Variants in IL25 observed in about 807,000 individuals in gnomAD.
IL25 encodes the protein interleukin-25.
IL25 carries 10 observed loss-of-function variants against 13.2 expected under a neutral mutation model. The observed-to-expected ratio is 0.76, with a 90% confidence interval of 0.47 to 1.29. The LOEUF is 1.29. Among genes scored for constraint, IL25 ranks in the 50% most tolerant of loss-of-function variants. The pLI, the probability that IL25 is intolerant of heterozygous loss-of-function variation, is 0.00. For synonymous variants in IL25, 107 were observed against 92.1 expected (o/e 1.16, Z -0.93); for missense variants, 235 against 232.4 (o/e 1.01, Z -0.07).
intron 1 of IL25, among the ~76,000 whole-genome samples, chr14:23,375,201 A>T (rs1408350295): frequency 6.6e-6 from 1 of 152,228 alleles, no homozygotes; most frequent in African/African-American, 2.4e-5. Context: ...AGTTGAGCCA[A>T]GATCGTGCCA....
chr14:23,373,061 G>A, exon 1 of IL25: 1 of 1,614,104 alleles, frequency 6.2e-7, no homozygotes, highest in Non-Finnish European at 8.5e-7. Flanking sequence ...CAAGCTGCCA[G>A]GTTTGGGGCT....
exon 1 of IL25, chr14:23,373,123 G>T: frequency 6.2e-7 from 1 of 1,614,054 alleles, no homozygotes; most frequent in South Asian, 1.1e-5. Flanking sequence ...GTGCAGATGA[G>T]GGAGCGACCC....
At chr14:23,373,374 G>T (rs1890465701) in exon 1 of IL25, 1 of 1,612,772 alleles carries the variant, frequency 6.2e-7, no homozygotes. Context: ...CAACAGCAGG[G>T]CCATCTCCCC....
intron 1 of IL25, 38 bp downstream of exon 2, chr14:23,373,434 G>T (rs182944982): frequency 1.5e-5 from 23 of 1,567,492 alleles, no homozygotes; most frequent in Non-Finnish European, 1.9e-5. Flanking sequence ...TGCCCTGTGT[G>T]TGCTGGCCAG....
intron 1 of IL25, among the ~76,000 whole-genome samples, 160 bp downstream of exon 2, chr14:23,373,556 T>C (rs921198956): frequency 6.6e-6 from 1 of 151,974 alleles, no homozygotes; most frequent in African/African-American, 2.4e-5. Flanking sequence ...TAGCTCTGAC[T>C]CTCATTGGAT....
exon 2 of IL25, chr14:23,375,878 T>C (rs1890542568): frequency 1.2e-6 from 2 of 1,613,070 alleles, no homozygotes; most frequent in East Asian, 4.5e-5. Flanking sequence ...TGTGATGGGC[T>C]AGCCGGACCT....
At chr14:23,375,206 G>A (rs192714784) in intron 1 of IL25, among the ~76,000 whole-genome samples, 20 of 152,216 alleles carry the variant, frequency 1.3e-4, no homozygotes, top group African/African-American at 4.1e-4. Flanking sequence ...AGCCAAGATC[G>A]TGCCACTGCA....
At position 23,375,743 on chromosome 14, in the gene IL25, C is replaced by G. The variant is rs914496697; in HGVS notation, c.397C>G (p.Leu133Val). 1.2e-6 allele frequency: 2 copies of G among 1,614,126 alleles called. No individual in the cohort carries two copies. The highest frequency in any genetic ancestry group is 2.7e-5 in the African/African-American group (2 of 74,946). The stretch of plus-strand genomic sequence containing the variant: ...GGACCCCCGGGGCAACTCGGAGCTG[C>G]TCTACCACAACCAGACTGTCTTCTA... Residue 133 changes from leucine to valine, a missense_variant, in exon 2 of 2, where the codon CTC becomes GTC. Coordinates refer to ENST00000329715, the Ensembl canonical transcript of IL25.
chr14:23,374,868 G>A (rs1890496670), intron 1 of IL25, among the ~76,000 whole-genome samples: 1 of 152,082 alleles, frequency 6.6e-6, no homozygotes, highest in East Asian at 1.9e-4. Context: ...CTTCTTCTGG[G>A]GAGTGGGGCT....
chr14:23,375,544 T>C (rs1890522722), intron 1 of IL25, 81 bp from the exon 3 acceptor site: 5 of 1,533,800 alleles, frequency 3.3e-6, no homozygotes, highest in Non-Finnish European at 1.8e-6. Context: ...GACCATTTCC[T>C]TCTTCTGGCA....
At position 23,374,736 on chromosome 14, in the gene IL25, T is replaced by C. The variant is rs866929986; in HGVS notation, c.279-889T>C. Among the ~76,000 whole-genome samples, 870 of 151,844 alleles carry C rather than the reference T, an allele frequency of 5.7e-3. 5 individuals carry two copies. Among genetic ancestry groups the C allele is most frequent in the African/African-American group, 0.019 (796 of 41,350 alleles). Reference sequence around the variant, plus strand: ...CATCTTTCTTTCTTTCTTTCTTTTTTTTTTTTTGCCATGAAATCCTTTCAG... The same window carrying C: ...CATCTTTCTTTCTTTCTTTCTTTTTCTTTTTTTGCCATGAAATCCTTTCAG... On this transcript the variant is annotated intron_variant, in intron 1 of 1. Transcript: ENST00000329715.
chr14:23,376,158 CTG>C, exon 2 of IL25: 1 of 457,552 alleles, frequency 2.2e-6, no homozygotes, highest in Non-Finnish European at 3.9e-6. Context: ...GCCACCACTC[CTG>C]TCTCTTCCTC....
At chr14:23,375,823 C>T in exon 2 of IL25, 4 of 1,614,264 alleles carry the variant, frequency 2.5e-6, no homozygotes, top group Non-Finnish European at 3.4e-6. Flanking sequence ...GCCTGGAGCG[C>T]AGGCTGTACC....
chr14:23,374,264 G>C (rs1393027365), intron 1 of IL25, among the ~76,000 whole-genome samples: 2 of 152,142 alleles, frequency 1.3e-5, no homozygotes, highest in Admixed American at 6.5e-5. Context: ...CTTCTTAGGG[G>C]AGGCGGGTGC....
chr14:23,374,224 G>T (rs1890481741), intron 1 of IL25, among the ~76,000 whole-genome samples: 1 of 152,088 alleles, frequency 6.6e-6, no homozygotes, highest in African/African-American at 2.4e-5. Context: ...AAGCTGGCTG[G>T]GTCCTGGGCC....
Position 23,372,960 on chromosome 14 carries a change from G to A in IL25, c.-159G>A, listed in dbSNP as rs775424966. On this transcript the variant is annotated 5_prime_UTR_variant, in exon 1 of 2. Coordinates refer to ENST00000329715, the Ensembl canonical transcript of IL25. Reference sequence around the variant, plus strand: ...CCCCACTTGTGACTGAGTGTGCAGTGCCCAGCATGTACCAGGTCAGTGCAG... The same window carrying A: ...CCCCACTTGTGACTGAGTGTGCAGTACCCAGCATGTACCAGGTCAGTGCAG... The A allele has an allele frequency of 8.1e-6, 13 of 1,613,514 alleles. No individual in the cohort carries two copies. The East Asian group carries it at 2.7e-4, about 33-fold the overall frequency.
At chr14:23,375,836 G>A (rs549328240) in exon 2 of IL25, 3 of 1,614,262 alleles carry the variant, frequency 1.9e-6, no homozygotes, top group African/African-American at 1.3e-5. Flanking sequence ...GCTGTACCGT[G>A]TTTCCTTAGC....
exon 2 of IL25, chr14:23,376,043 T>C: frequency 1.1e-6 from 1 of 881,246 alleles, no homozygotes; most frequent in Non-Finnish European, 1.7e-6. Context: ...AAGCCTGCAC[T>C]TCTGCACATT....
At chr14:23,376,022 G>A (rs1890548317) in exon 2 of IL25, 2 of 1,162,972 alleles carry the variant, frequency 1.7e-6, no homozygotes, top group South Asian at 1.5e-5. Context: ...CAGGATGGGG[G>A]GCTTTGGGGA....
Sources: allele counts gnomAD v4.1 joint callset (sites outside exome capture counted in the v4.1 genomes callset), GRCh38; gene constraint gnomAD v4.1.1; transcripts MANE v1.5; gene names NCBI Gene and HGNC (gene_info 2026-07-23, HGNC 2026-07-21).